Variants in ZCCHC24 observed in about 807,000 individuals in gnomAD.
ZCCHC24 encodes zinc finger CCHC domain-containing protein 24.
Under a neutral mutation model 26.2 loss-of-function variants are expected in ZCCHC24, and 10 were observed. That is an observed-to-expected ratio of 0.38 (90% CI 0.24 to 0.65). The LOEUF (loss-of-function observed/expected upper bound fraction) is 0.65, where lower values mean the gene tolerates loss of function less well. ZCCHC24 is among the 30% of genes least tolerant of loss of function. The pLI is 0.54. For missense variants in ZCCHC24, 243 were observed against 329.1 expected, an observed-to-expected ratio of 0.74 and a Z score of 2.03; for synonymous variants, 144 against 147.1, an observed-to-expected ratio of 0.98 and a Z score of 0.15.
chr10:79,425,723 G>A (rs1240430823), intron 2 of ZCCHC24, among the ~76,000 whole-genome samples: 1 of 152,158 alleles, frequency 6.6e-6, no homozygotes, highest in Admixed American at 6.5e-5. Flanking sequence ...CATTAAATGA[G>A]CTAATACATA....
chr10:79,399,593 ACT>A, intron 2 of ZCCHC24, among the ~76,000 whole-genome samples: 1 of 152,292 alleles, frequency 6.6e-6, no homozygotes, highest in Non-Finnish European at 1.5e-5. Flanking sequence ...TCAAGGACAC[ACT>A]CAGTAAATCT....
At chr10:79,427,240 T>TC (rs1857042456) in intron 2 of ZCCHC24, among the ~76,000 whole-genome samples, 1 of 152,132 alleles carries the variant, frequency 6.6e-6, no homozygotes. Context: ...AACAATAATT[T>TC]CTGGAGGCTT....
At chr10:79,445,061 CAAGCCAAGCCGGGCCCGGCAATGCG>C (rs925082509) in intron 1 of ZCCHC24, 109 bp downstream of exon 1, 2 of 981,690 alleles carry the variant, frequency 2.0e-6, no homozygotes, top group Non-Finnish European at 1.3e-6. Flanking sequence ...TGAACGAAGC[CAAGCCAAGCCGGGCCCGGCAATGCG>C]GAGCCGGGCC....
intron 2 of ZCCHC24, among the ~76,000 whole-genome samples, chr10:79,408,722 G>A (rs1230811170): frequency 2.0e-5 from 3 of 152,176 alleles, no homozygotes. Context: ...CAGAAGGTCT[G>A]TTCAGGGCAG....
intron 1 of ZCCHC24, chr10:79,444,072 A>G: frequency 6.5e-7 from 1 of 1,536,678 alleles, no homozygotes; most frequent in Non-Finnish European, 8.8e-7. Flanking sequence ...TCCCCAACCC[A>G]TTCAGGACTC....
chr10:79,388,633 C>T (rs1156858296), intron 3 of ZCCHC24, among the ~76,000 whole-genome samples: 3 of 152,218 alleles, frequency 2.0e-5, no homozygotes, highest in Non-Finnish European at 4.4e-5. Context: ...ACCCCCTTGA[C>T]TGGCCAGGGC....
chr10:79,406,237 C>T lies in ZCCHC24; in HGVS notation c.448-11797G>A, dbSNP rs188855347. ...CACAAAGCAAATAAGCAGAAGGCTT[C>T]GAACCATGGCCTTTCTCCCTGTTGC... On this transcript the variant is annotated intron_variant, in intron 2 of 3. Coordinates refer to ENST00000372336, the MANE Select transcript of ZCCHC24 (RefSeq NM_153367.4). Among the ~76,000 whole-genome samples, 186 of 152,302 alleles carry T rather than the reference C, an allele frequency of 1.2e-3. 1 individual carries two copies. The highest frequency in any genetic ancestry group is 4.0e-3 in the African/African-American group (166 of 41,570).
chr10:79,400,003 G>C (rs964799552), intron 2 of ZCCHC24, among the ~76,000 whole-genome samples: 12 of 152,180 alleles, frequency 7.9e-5, no homozygotes, highest in Admixed American at 3.9e-4. Flanking sequence ...AGGTGGATCT[G>C]GTGACTCTGG....
At chr10:79,426,505 C>T (rs551749196) in intron 2 of ZCCHC24, among the ~76,000 whole-genome samples, 102 of 152,080 alleles carry the variant, frequency 6.7e-4, no homozygotes, top group African/African-American at 2.5e-3. Flanking sequence ...TAAAGAGATC[C>T]ACAAACAGAC....
intron 1 of ZCCHC24, among the ~76,000 whole-genome samples, chr10:79,438,360 T>C (rs1190145236): frequency 6.6e-6 from 1 of 152,162 alleles, no homozygotes; most frequent in Admixed American, 6.5e-5. Context: ...GTCAAACACA[T>C]ACATGTCCGA....
chr10:79,413,146 G>A (rs1285254075), intron 2 of ZCCHC24, among the ~76,000 whole-genome samples: 6 of 152,254 alleles, frequency 3.9e-5, no homozygotes, highest in Admixed American at 6.5e-5. Context: ...CCAGTGGGCG[G>A]TGGATGTGAC....
intron 2 of ZCCHC24, among the ~76,000 whole-genome samples, chr10:79,424,313 T>C (rs1427452406): frequency 1.3e-5 from 2 of 152,210 alleles, no homozygotes; most frequent in African/African-American, 4.8e-5. Context: ...TGACACACAG[T>C]AGATGTTCAA....
In ZCCHC24 at chr10:79,383,379, A is replaced by C. The variant is rs1856347955; in HGVS notation, c.*2966T>G. ...GTAGACAATATTTCCTTCTGAATGTAGTTCAGTTGCATATTTTTACAGACC... is the reference window on the plus strand; with the variant it reads ...GTAGACAATATTTCCTTCTGAATGTCGTTCAGTTGCATATTTTTACAGACC... On this transcript the variant is annotated 3_prime_UTR_variant, in exon 4 of 4. Transcript: ENST00000372336. 6.6e-6 allele frequency: 1 copy of C among 152,652 alleles called. No individual in the cohort carries two copies. Among genetic ancestry groups the C allele is most frequent in the African/African-American group, 2.4e-5 (1 of 41,460 alleles). 9.5% of individuals were successfully genotyped at this position (152,652 alleles called of 1,614,324 possible).
At chr10:79,418,989 C>T (rs1856903291) in intron 2 of ZCCHC24, among the ~76,000 whole-genome samples, 1 of 152,164 alleles carries the variant, frequency 6.6e-6, no homozygotes, top group African/African-American at 2.4e-5. Context: ...GTGAGCAAGG[C>T]CTTGAGGCTG....
intron 2 of ZCCHC24, among the ~76,000 whole-genome samples, chr10:79,427,917 G>GGAAAA (rs1490251946): frequency 3.3e-5 from 5 of 151,388 alleles, no homozygotes; most frequent in African/African-American, 1.2e-4. Flanking sequence ...AAGGAAGGAA[G>GGAAAA]GAAAAGAAAA....
rs554149101 is a variant in ZCCHC24 at position 79,421,166 on chromosome 10, C to T, written c.447+11392G>A. On this transcript the variant is annotated intron_variant, in intron 2 of 3. Transcript: ENST00000372336. ...CCTAACGTCAGCATCTATGCCAAGC[C>T]ACCACCTGCCAAACGGCAGGCACGA... is the stretch of plus-strand genomic sequence containing the variant. 4.8e-3 allele frequency among the ~76,000 whole-genome samples: 724 copies of T among 152,318 alleles called. 3 individuals are homozygous for T. The highest frequency in any genetic ancestry group is 0.017 in the African/African-American group (692 of 41,570).
At chr10:79,413,714 T>C (rs57956266) in intron 2 of ZCCHC24, among the ~76,000 whole-genome samples, 4,491 of 152,134 alleles carry the variant, frequency 0.03, 235 homozygotes, top group African/African-American at 0.1. Flanking sequence ...CTCCTCCTTC[T>C]GGGCCTTAGT....
rs577626308 is a variant in ZCCHC24, at chr10:79,386,895, G to A, written c.613-437C>T. Among the ~76,000 whole-genome samples, 348 of 152,260 alleles carry A rather than the reference G, an allele frequency of 2.3e-3. 2 individuals are homozygous for A. Among genetic ancestry groups the A allele is most frequent in the African/African-American group, 7.7e-3 (318 of 41,538 alleles). ...TGAGTCCAGGTTAGAGGCAGGACAC[G>A]GGTGCAGCCTGTCAGATGAGGAAAC... On this transcript the variant is annotated intron_variant, in intron 3 of 3. Coordinates refer to ENST00000372336, the MANE Select transcript of ZCCHC24 (RefSeq NM_153367.4).
chr10:79,399,615 CG>C (rs1020213264), intron 2 of ZCCHC24, among the ~76,000 whole-genome samples: 17 of 152,222 alleles, frequency 1.1e-4, no homozygotes, highest in African/African-American at 3.6e-4. Flanking sequence ...TGACTGAGCT[CG>C]GGGGAGGGAA....
Sources: allele counts gnomAD v4.1 joint callset (sites outside exome capture counted in the v4.1 genomes callset), GRCh38; gene constraint gnomAD v4.1.1; transcripts MANE v1.5; gene names NCBI Gene and HGNC (gene_info 2026-07-23, HGNC 2026-07-21).